RBMS1: variants seen among roughly 807,000 people sequenced by gnomAD.
The protein encoded by RBMS1 is RNA binding motif single stranded interacting protein 1.
In RBMS1, 17 loss-of-function variants were observed where a neutral mutation model predicts 62.3. The ratio of observed to expected loss-of-function variants is 0.27; its 90% CI spans 0.19 to 0.41. The LOEUF is 0.41. Ranked by LOEUF, RBMS1 falls within the 10% of genes least tolerant of loss-of-function variation. The pLI is 1.00. For missense variants in RBMS1, 334 were observed against 504.5 expected, an observed-to-expected ratio of 0.66 and a Z score of 3.24; for synonymous variants, 172 against 170.0, an observed-to-expected ratio of 1.01 and a Z score of -0.09.
At chr2:160,323,625 A>AC (rs933929149) in intron 2 of RBMS1, among the ~76,000 whole-genome samples, 4 of 150,166 alleles carry the variant, frequency 2.7e-5, no homozygotes, top group East Asian at 1.9e-4. Flanking sequence ...AAAAAAAAAA[A>AC]AAAAAACTGT....
chr2:160,449,055 C>G (rs989812884), intron 1 of RBMS1, among the ~76,000 whole-genome samples: 39 of 151,280 alleles, frequency 2.6e-4, no homozygotes, highest in Admixed American at 1.9e-3. Context: ...CCCCTCCGCC[C>G]GGCAGCTGCC....
At chr2:160,414,387 A>T (rs1696142255) in intron 1 of RBMS1, among the ~76,000 whole-genome samples, 1 of 151,982 alleles carries the variant, frequency 6.6e-6, no homozygotes, top group Non-Finnish European at 1.5e-5. Flanking sequence ...ATATTGTAGG[A>T]TGGCTGAGAT....
intron 1 of RBMS1, among the ~76,000 whole-genome samples, chr2:160,377,335 A>T (rs1050458013): frequency 1.3e-5 from 2 of 152,218 alleles, no homozygotes; most frequent in Non-Finnish European, 2.9e-5. Flanking sequence ...TGCCACCTAC[A>T]GGTTAAAAAA....
chr2:160,437,585 C>T (rs1407138906), intron 1 of RBMS1, among the ~76,000 whole-genome samples: 1 of 152,238 alleles, frequency 6.6e-6, no homozygotes, highest in African/African-American at 2.4e-5. Flanking sequence ...TTGAAATATC[C>T]GTAGCAATAT....
chr2:160,419,658 T>C (rs1696341041), intron 1 of RBMS1, among the ~76,000 whole-genome samples: 1 of 152,240 alleles, frequency 6.6e-6, no homozygotes, highest in Admixed American at 6.5e-5. Flanking sequence ...CTTGTGAGGT[T>C]GATTCAGAGG....
chr2:160,422,605 C>T (rs951398706), intron 1 of RBMS1, among the ~76,000 whole-genome samples: 2 of 152,098 alleles, frequency 1.3e-5, no homozygotes, highest in African/African-American at 4.8e-5. Context: ...CCACCACTAG[C>T]ACCACCAGCA....
chr2:160,349,599 G>T (rs1692378459), intron 2 of RBMS1, among the ~76,000 whole-genome samples: 1 of 151,776 alleles, frequency 6.6e-6, no homozygotes, highest in African/African-American at 2.4e-5. Flanking sequence ...GGGAGGGAGG[G>T]AGAGAAATAT....
At chr2:160,352,619 G>A (rs1192405179) in intron 2 of RBMS1, among the ~76,000 whole-genome samples, 2 of 152,092 alleles carry the variant, frequency 1.3e-5, no homozygotes, top group African/African-American at 2.4e-5. Flanking sequence ...GTGAGTCACC[G>A]ATTAGGAAAG....
At chr2:160,406,031 A>C (rs1695686054) in intron 1 of RBMS1, among the ~76,000 whole-genome samples, 1 of 152,208 alleles carries the variant, frequency 6.6e-6, no homozygotes, top group African/African-American at 2.4e-5. Context: ...AATGACTTCG[A>C]GATGCCTGCT....
intron 2 of RBMS1, among the ~76,000 whole-genome samples, chr2:160,319,823 T>C (rs1011068352): frequency 1.3e-5 from 2 of 152,228 alleles, no homozygotes; most frequent in Non-Finnish European, 2.9e-5. Flanking sequence ...CTTGAGCCAC[T>C]TCTCTCCTTC....
At chr2:160,296,875 T>C (rs1338733157) in intron 6 of RBMS1, among the ~76,000 whole-genome samples, 2 of 152,178 alleles carry the variant, frequency 1.3e-5, no homozygotes, top group Non-Finnish European at 2.9e-5. Context: ...TAGAGACTCC[T>C]CCCCCATTCA....
intron 1 of RBMS1, among the ~76,000 whole-genome samples, chr2:160,448,571 C>T (rs1195205399): frequency 6.6e-6 from 1 of 152,266 alleles, no homozygotes; most frequent in Non-Finnish European, 1.5e-5. Flanking sequence ...GCCAGGATTG[C>T]AGACAGAGTC....
At chr2:160,316,777 G>A (rs1690246535) in intron 3 of RBMS1, among the ~76,000 whole-genome samples, 1 of 152,154 alleles carries the variant, frequency 6.6e-6, no homozygotes, top group Admixed American at 6.5e-5. Flanking sequence ...GGAAGAAAAA[G>A]AGAGGAGGTA....
At chr2:160,471,786 T>C (rs1009906330) in intron 1 of RBMS1, among the ~76,000 whole-genome samples, 3 of 148,106 alleles carry the variant, frequency 2.0e-5, no homozygotes, top group Non-Finnish European at 4.5e-5. Context: ...GGATTTATAC[T>C]CTAAGAGAAA....
intron 1 of RBMS1, among the ~76,000 whole-genome samples, chr2:160,489,110 A>C (rs928986997): frequency 6.6e-6 from 1 of 152,186 alleles, no homozygotes; most frequent in Non-Finnish European, 1.5e-5. Flanking sequence ...TTTGGCTCCC[A>C]ACATAGGGGA....
chr2:160,453,529 T>A (rs1190507116), intron 1 of RBMS1, among the ~76,000 whole-genome samples: 1 of 152,284 alleles, frequency 6.6e-6, no homozygotes, highest in African/African-American at 2.4e-5. Context: ...CCCTTCATTC[T>A]TTCTCTCCCC....
At chr2:160,427,967 T>C (rs1411215903) in intron 1 of RBMS1, among the ~76,000 whole-genome samples, 1 of 152,132 alleles carries the variant, frequency 6.6e-6, no homozygotes, top group Non-Finnish European at 1.5e-5. Flanking sequence ...ATTTCAAATC[T>C]GTGCAAGCAA....
At chr2:160,418,855 T>C (rs562040790) in intron 1 of RBMS1, among the ~76,000 whole-genome samples, 1 of 152,300 alleles carries the variant, frequency 6.6e-6, no homozygotes, top group Admixed American at 6.5e-5. Context: ...CATACCAAAC[T>C]ACTGATATAG....
At chr2:160,343,434 A>G (rs1691994644) in intron 2 of RBMS1, among the ~76,000 whole-genome samples, 1 of 152,208 alleles carries the variant, frequency 6.6e-6, no homozygotes, top group South Asian at 2.1e-4. Context: ...AATTACAGCC[A>G]TGGCTTTGTC....
Sources: gnomAD v4.1 joint callset for allele counts (sites outside exome capture counted in the v4.1 genomes callset) on GRCh38, gnomAD v4.1.1 for gene constraint, MANE v1.5 for transcripts, NCBI Gene and HGNC (gene_info 2026-07-23, HGNC 2026-07-21) for gene names.